The following GABRA5 variants were observed in gnomAD, a reference collection of about 807,000 sequenced individuals.
The protein encoded by GABRA5 is gamma-aminobutyric acid type A receptor subunit alpha5.
Under a neutral mutation model 47.3 loss-of-function variants are expected in GABRA5, and 18 were observed. That is an observed-to-expected ratio of 0.38 (90% CI 0.26 to 0.56). The LOEUF is 0.56. GABRA5 is among the 20% of genes least tolerant of loss of function. The probability of loss-of-function intolerance (pLI) is 0.71; values close to 1 mark genes in which losing one functional copy is unlikely to be tolerated. For synonymous variants in GABRA5, 237 were observed against 229.3 expected (o/e 1.03, Z -0.30); for missense variants, 365 against 599.3 (o/e 0.61, Z 4.08).
intron 7 of GABRA5, among the ~76,000 whole-genome samples, chr15:26,920,315 C>G (rs1398525480): frequency 6.6e-6 from 1 of 151,560 alleles, no homozygotes; most frequent in African/African-American, 2.4e-5. Flanking sequence ...TCTTCTTGCT[C>G]CTCTGACTGA....
chr15:26,874,873 G>A (rs573447422), intron 3 of GABRA5, among the ~76,000 whole-genome samples: 10 of 152,268 alleles, frequency 6.6e-5, no homozygotes, highest in Admixed American at 3.3e-4. Context: ...CTGTCAGTTC[G>A]GTTCCTGTTT....
chr15:26,920,645 C>A (rs1842240759), intron 7 of GABRA5, among the ~76,000 whole-genome samples: 1 of 152,098 alleles, frequency 6.6e-6, no homozygotes, highest in Non-Finnish European at 1.5e-5. Context: ...TTCCTCATTT[C>A]TTTATATTCT....
intron 6 of GABRA5, among the ~76,000 whole-genome samples, chr15:26,888,121 A>G (rs1293248120): frequency 1.3e-5 from 2 of 152,184 alleles, no homozygotes; most frequent in Non-Finnish European, 2.9e-5. Flanking sequence ...TTGCTCCCCA[A>G]ATGTCTGGCA....
intron 6 of GABRA5, among the ~76,000 whole-genome samples, chr15:26,911,765 G>A (rs1006335929): frequency 2.0e-5 from 3 of 152,104 alleles, no homozygotes; most frequent in Non-Finnish European, 2.9e-5. Context: ...ATGGGTTGGG[G>A]GTAACTCGGA....
Position 26,883,483 on chromosome 15 carries a change from C to A in GABRA5, c.423C>A (p.Ser141=). The A allele has an allele frequency of 6.2e-7, 1 of 1,614,110 alleles. No homozygotes were observed. The highest frequency in any genetic ancestry group is 8.5e-7 in the Non-Finnish European group (1 of 1,179,996). ...CGTTCTTCCACAACGGGAAGAAGTC[C>A]ATCGCTCACAACATGACCACGCCCA... ...PDTFFHNGKK[S]IAHNMTTPNK... The change falls in exon 6 of 11, where the codon TCC becomes TCA. Residue 141 remains serine, a synonymous_variant. Coordinates refer to ENST00000335625, the MANE Select transcript of GABRA5 (RefSeq NM_000810.4). This position sits in a 1 kb window ranked among gnomAD's most constrained non-coding sequence, Gnocchi z 4.8.
chr15:26,888,190 A>G (rs1042299029), intron 6 of GABRA5, among the ~76,000 whole-genome samples: 1 of 152,196 alleles, frequency 6.6e-6, no homozygotes, highest in Non-Finnish European at 1.5e-5. Context: ...AGAACTTCCT[A>G]CCACGAGTGG....
Position 26,925,676 on chromosome 15 carries a change from C to T in GABRA5, c.580+10791C>T, listed in dbSNP as rs150888455. On this transcript the variant is annotated intron_variant, in intron 7 of 10. Transcript: ENST00000335625. Reference sequence around the variant, plus strand: ...CACTGATTGCGTTTTCTCTTGAGCACAGGTCCTTTTTTTTTGTTTCTTTTA... The same window carrying T: ...CACTGATTGCGTTTTCTCTTGAGCATAGGTCCTTTTTTTTTGTTTCTTTTA... Among the ~76,000 whole-genome samples the T allele has an allele frequency of 4.5e-4, 69 of 152,278 alleles. No homozygotes were observed. In the East Asian group the frequency reaches 0.012, roughly 27 times the overall value.
intron 6 of GABRA5, among the ~76,000 whole-genome samples, chr15:26,911,950 T>G (rs1893605843): frequency 6.6e-6 from 1 of 152,168 alleles, no homozygotes; most frequent in Non-Finnish European, 1.5e-5. Context: ...ATAGTGTTGT[T>G]AGCATCTTTG....
chr15:26,916,562 T>G (rs1471016375), intron 7 of GABRA5, among the ~76,000 whole-genome samples: 2 of 152,186 alleles, frequency 1.3e-5, no homozygotes, highest in Non-Finnish European at 2.9e-5. Flanking sequence ...TGGGTTTTTT[T>G]GTTATTTCAT....
intron 7 of GABRA5, among the ~76,000 whole-genome samples, chr15:26,918,700 G>A (rs1417011397): frequency 2.0e-5 from 3 of 152,002 alleles, no homozygotes; most frequent in Non-Finnish European, 4.4e-5. Flanking sequence ...ATTACATATT[G>A]TTCTTCTTTA....
chr15:26,878,884 G>C (rs575170546), intron 3 of GABRA5, among the ~76,000 whole-genome samples: 5 of 152,336 alleles, frequency 3.3e-5, no homozygotes, highest in African/African-American at 1.2e-4. Context: ...TCAGAGCCCA[G>C]TGGGATGGTG....
chr15:26,911,178 A>C (rs1290804384), intron 6 of GABRA5, among the ~76,000 whole-genome samples: 2 of 151,878 alleles, frequency 1.3e-5, no homozygotes, highest in African/African-American at 2.4e-5. Context: ...TTAGAATTCT[A>C]AGGGGCTCTA....
chr15:26,879,483 A>G (rs140592012), intron 3 of GABRA5, among the ~76,000 whole-genome samples: 4 of 152,332 alleles, frequency 2.6e-5, no homozygotes, highest in Non-Finnish European at 5.9e-5. Flanking sequence ...AAAAGTATAC[A>G]TCTGTGGGCT....
At chr15:26,911,022 A>AT (rs1696753900) in intron 6 of GABRA5, among the ~76,000 whole-genome samples, 1 of 152,156 alleles carries the variant, frequency 6.6e-6, no homozygotes, top group East Asian at 1.9e-4. Flanking sequence ...AGCATAGGCC[A>AT]TTTTTGAAAT....
chr15:26,934,176 C>T (rs770611454), intron 7 of GABRA5, among the ~76,000 whole-genome samples: 1 of 150,540 alleles, frequency 6.6e-6, no homozygotes, highest in Non-Finnish European at 1.5e-5. Context: ...CGCTTGAACC[C>T]GGGAAACAGA....
chr15:26,891,745 G>A (rs1032612148), intron 6 of GABRA5, among the ~76,000 whole-genome samples: 3 of 152,200 alleles, frequency 2.0e-5, no homozygotes, highest in African/African-American at 7.2e-5. Context: ...CCTCCCTAGT[G>A]CGCAGCCAGC....
intron 8 of GABRA5, 29 bp from the exon 9 acceptor site, chr15:26,939,896 C>CTGA (rs767843158): frequency 6.2e-7 from 1 of 1,612,508 alleles, no homozygotes. Context: ...CTCTAGGGGA[C>CTGA]TGATGTGCAG....
chr15:26,879,357 G>T (rs1892671938), intron 3 of GABRA5, among the ~76,000 whole-genome samples: 1 of 152,166 alleles, frequency 6.6e-6, no homozygotes, highest in Non-Finnish European at 1.5e-5. Context: ...GAAGAAGGCT[G>T]TTCACTGGGA....
chr15:26,933,763 A>G (rs1359023605), intron 7 of GABRA5, among the ~76,000 whole-genome samples: 2 of 152,212 alleles, frequency 1.3e-5, no homozygotes. Flanking sequence ...GGCAAGGGAA[A>G]GGGTGTGGCC....
Sources: gnomAD v4.1 joint callset for allele counts (sites outside exome capture counted in the v4.1 genomes callset) on GRCh38, gnomAD v4.1.1 for gene constraint, Gnocchi (gnomAD v3.1) non-coding constraint, MANE v1.5 for transcripts, NCBI Gene and HGNC (gene_info 2026-07-23, HGNC 2026-07-21) for gene names.